TSPO: variants seen among roughly 807,000 people sequenced by gnomAD.
TSPO encodes benzodiazepine peripheral binding site.
A neutral mutation model predicts 13.9 loss-of-function variants in TSPO; 14 were observed. The ratio of observed to expected loss-of-function variants is 1.01; its 90% CI spans 0.67 to 1.58. The LOEUF is 1.58. Among genes scored for constraint, TSPO ranks in the 40% most tolerant of loss-of-function variants. The pLI, the probability that TSPO is intolerant of heterozygous loss-of-function variation, is 0.00. For missense variants in TSPO, 232 were observed against 229.6 expected, an observed-to-expected ratio of 1.01 and a Z score of -0.07; for synonymous variants, 114 against 105.9, an observed-to-expected ratio of 1.08 and a Z score of -0.47.
At chr22:43,156,798 G>A (rs1440114133) in intron 1 of TSPO, among the ~76,000 whole-genome samples, 3 of 152,216 alleles carry the variant, frequency 2.0e-5, no homozygotes, top group Non-Finnish European at 2.9e-5. Context: ...GGATGTCCAC[G>A]TGTCTTATGC....
chr22:43,162,725 G>C (rs1418958904), intron 3 of TSPO, 78 bp from the exon 4 acceptor site: 3 of 1,397,956 alleles, frequency 2.1e-6, no homozygotes, highest in Non-Finnish European at 2.9e-6. Context: ...AATCCAGTGG[G>C]AGTTGGGCAG....
rs1027707802 is a variant in TSPO, at chr22:43,159,809, C to T, written c.182+389C>T. 2.7e-5 allele frequency: 5 copies of T among 182,018 alleles called. No homozygotes were observed. The East Asian group carries it at 4.0e-4, about 15-fold the overall frequency. 11.3% of individuals were successfully genotyped at this position (182,018 alleles called of 1,614,324 possible). On this transcript the variant is annotated intron_variant, in intron 2 of 3. Transcript: ENST00000337554. Reference sequence around the variant, plus strand: ...CCAGGCTCGTCTCATTCATACTCAACGACCCCCATAATAAGAGGCCTCCCA... The same window carrying T: ...CCAGGCTCGTCTCATTCATACTCAATGACCCCCATAATAAGAGGCCTCCCA...
chr22:43,161,056 G>C lies in TSPO; in HGVS notation c.187G>C (p.Gly63Arg). The C allele has an allele frequency of 6.2e-7, 1 of 1,612,844 alleles. No individual in the cohort carries two copies. Among genetic ancestry groups the C allele is most frequent in the South Asian group, 1.1e-5 (1 of 90,970 alleles). ...GAACTGCGGCCTCTGTTTCAGGTAC[G>C]GCTCCTACCTGGTCTGGAAAGAGCT... ...WGTLYSAMGY[G>R]SYLVWKELGG... The change falls in exon 3 of 4, where the codon GGC becomes CGC. Residue 63 changes from glycine (G) to arginine (R), a missense_variant. Coordinates refer to ENST00000337554, the MANE Select transcript of TSPO (RefSeq NM_000714.6).
chr22:43,159,460 T>A (rs1931364374), intron 2 of TSPO, 40 bp downstream of exon 2: 7 of 1,404,738 alleles, frequency 5.0e-6, no homozygotes, highest in Non-Finnish European at 5.6e-6. Flanking sequence ...AGCCTGGCCC[T>A]TTGCAAGGGG....
At chr22:43,160,989 G>C in intron 2 of TSPO, 63 bp from the exon 3 acceptor site, 1 of 1,555,408 alleles carries the variant, frequency 6.4e-7, no homozygotes, top group South Asian at 1.2e-5. Context: ...TGTGCCACTC[G>C]GAGGTGGGCA....
chr22:43,156,531 G>A (rs1931254838), intron 1 of TSPO, among the ~76,000 whole-genome samples: 2 of 134,182 alleles, frequency 1.5e-5, no homozygotes, highest in Non-Finnish European at 3.2e-5. Context: ...ATTGCTGGCG[G>A]CCAGGGGTGG....
At chr22:43,156,307 C>T (rs968610831) in intron 1 of TSPO, among the ~76,000 whole-genome samples, 6 of 152,174 alleles carry the variant, frequency 3.9e-5, no homozygotes, top group African/African-American at 1.4e-4. Flanking sequence ...CTGGGTGAGT[C>T]CCATTGTGAT....
intron 3 of TSPO, among the ~76,000 whole-genome samples, chr22:43,162,413 C>T (rs1256846302): frequency 6.6e-6 from 1 of 152,214 alleles, no homozygotes; most frequent in African/African-American, 2.4e-5. Flanking sequence ...TGAGCCACTG[C>T]ACCTGACAAA....
At position 43,162,997 on chromosome 22, in the gene TSPO, CGGCCCACCA is replaced by C. The variant is rs1307304997; in HGVS notation, c.*9_*17del. ...GACGGCGGCTGCCAGAGTGAGTGCC[CGGCCCACCA>C]GGGACTGCAGCTGCACCAGCAGGTG... On this transcript the variant is annotated 3_prime_UTR_variant, in exon 4 of 4. Transcript: ENST00000337554. 2 of 1,580,124 alleles carry C rather than the reference CGGCCCACCA, an allele frequency of 1.3e-6. No homozygotes were observed. Among genetic ancestry groups the C allele is most frequent in the African/African-American group, 2.7e-5 (2 of 74,228 alleles).
At chr22:43,157,556 G>A (rs745443260) in intron 1 of TSPO, among the ~76,000 whole-genome samples, 28 of 152,090 alleles carry the variant, frequency 1.8e-4, no homozygotes, top group Admixed American at 2.6e-4. Context: ...CGTGCCGGGC[G>A]CGGTGGCTCA....
intron 2 of TSPO, 98 bp from the exon 3 acceptor site, chr22:43,160,954 T>C: frequency 7.0e-7 from 1 of 1,434,910 alleles, no homozygotes; most frequent in Non-Finnish European, 9.4e-7. Context: ...CAGCAGTCAG[T>C]GTCAGGTCAC....
rs1366625579 is a variant in TSPO at position 43,153,477 on chromosome 22, G to A, written c.-30+1873G>A. On this transcript the variant is annotated intron_variant, in intron 1 of 3. Transcript: ENST00000337554. The stretch of plus-strand genomic sequence containing the variant: ...CGCCATTCTCCTGCCTCAGCCTCCC[G>A]AGTAGCTGGGACTACAGGCGCCTGC... Among the ~76,000 whole-genome samples, 3 of 77,438 alleles carry A rather than the reference G, an allele frequency of 3.9e-5. 1 individual carries two copies. The highest frequency in any genetic ancestry group is 8.1e-5 in the Non-Finnish European group (3 of 37,112). The allele number at this position is 77,438 out of a possible 152,430, so 50.8% of individuals were successfully genotyped here. A position where few individuals can be genotyped will look rare whatever the true frequency, so the allele number is the denominator to read the frequency against.
chr22:43,160,934 T>G, intron 2 of TSPO, 118 bp from the exon 3 acceptor site: 282 of 1,309,754 alleles, frequency 2.2e-4, no homozygotes, highest in Middle Eastern at 7.3e-4. Context: ...GCAACTTCCC[T>G]GAGATCACAC....
intron 2 of TSPO, 111 bp from the exon 3 acceptor site, chr22:43,160,939 TCA>T (rs773457838): frequency 3.7e-6 from 5 of 1,352,164 alleles, no homozygotes; most frequent in Non-Finnish European, 5.0e-6. Context: ...TTCCCTGAGA[TCA>T]CACAGCAGTC....
intron 1 of TSPO, among the ~76,000 whole-genome samples, chr22:43,152,821 T>C (rs73418009): frequency 0.098 from 14,857 of 152,256 alleles, 2,422 homozygotes; most frequent in African/African-American, 0.34. Context: ...CCACTTTCTT[T>C]CCTGGGAGTG....
intron 1 of TSPO, among the ~76,000 whole-genome samples, chr22:43,155,697 CGTTGGAGGAAG>C (rs1292843052): frequency 6.6e-6 from 1 of 152,100 alleles, no homozygotes; most frequent in Non-Finnish European, 1.5e-5. Context: ...ACCCACCTGA[CGTTGGAGGAAG>C]CCAGGCCCAG....
At chr22:43,162,511 C>T (rs776249439) in intron 3 of TSPO, among the ~76,000 whole-genome samples, 10 of 152,140 alleles carry the variant, frequency 6.6e-5, no homozygotes, top group Non-Finnish European at 1.0e-4. Flanking sequence ...GGGGAAGGGA[C>T]GTGCAAGACC....
chr22:43,161,668 A>G (rs1393396962), intron 3 of TSPO, among the ~76,000 whole-genome samples: 1 of 150,370 alleles, frequency 6.7e-6, no homozygotes, highest in East Asian at 2.0e-4. Flanking sequence ...TTGTATTTGT[A>G]TTTGTATTTT....
rs1166817874 is a variant in TSPO, at chr22:43,163,111, G to C, written c.*120G>C. 1.3e-6 allele frequency: 2 copies of C among 1,505,846 alleles called. No homozygotes were observed. The highest frequency in any genetic ancestry group is 1.8e-6 in the Non-Finnish European group (2 of 1,126,720). 93.3% of individuals were successfully genotyped at this position (1,505,846 alleles called of 1,614,324 possible). On this transcript the variant is annotated 3_prime_UTR_variant, in exon 4 of 4. Transcript: ENST00000337554. ...AGTCTGTCAGGGCCTTGGCCCAGGG[G>C]TCAGCAGAGCTTCAGAGGTGGCCCC...
Sources: gnomAD v4.1 joint callset for allele counts (sites outside exome capture counted in the v4.1 genomes callset) on GRCh38, gnomAD v4.1.1 for gene constraint, MANE v1.5 for transcripts, NCBI Gene and HGNC (gene_info 2026-07-23, HGNC 2026-07-21) for gene names.